The following DOCK2 variants were observed in gnomAD, a reference collection of about 807,000 sequenced individuals.
The protein encoded by DOCK2 is dedicator of cytokinesis 2.
In DOCK2, 87 loss-of-function variants were observed where a neutral mutation model predicts 248.9. That is an observed-to-expected ratio of 0.35 (90% CI 0.29 to 0.42). The LOEUF (loss-of-function observed/expected upper bound fraction) is 0.42, where lower values mean the gene tolerates loss of function less well. Among genes scored for constraint, DOCK2 ranks in the 10% least tolerant of loss-of-function variants. DOCK2 has a pLI of 1.00. For missense variants in DOCK2, 1,747 were observed against 2,300.2 expected, an observed-to-expected ratio of 0.76 and a Z score of 4.92; for synonymous variants, 805 against 821.6, an observed-to-expected ratio of 0.98 and a Z score of 0.35.
chr5:169,972,592 A>ATAGG (rs1219914370), intron 27 of DOCK2, among the ~76,000 whole-genome samples: 4 of 84,014 alleles, frequency 4.8e-5, no homozygotes, highest in Non-Finnish European at 1.1e-4. Flanking sequence ...TAGATGATAG[A>ATAGG]TAGATAGATA....
chr5:170,080,142 G>T, intron 49 of DOCK2, 21 bp from the exon 50 acceptor site: 2 of 1,613,786 alleles, frequency 1.2e-6, no homozygotes, highest in Non-Finnish European at 1.7e-6. Flanking sequence ...GTGTGTGTGT[G>T]TGTCTGGTGT....
intron 27 of DOCK2, among the ~76,000 whole-genome samples, chr5:169,878,611 T>C (rs1413846725): frequency 6.6e-6 from 1 of 152,202 alleles, no homozygotes; most frequent in Non-Finnish European, 1.5e-5. Context: ...CAAACTCAGA[T>C]TTTCCCCTCT....
intron 30 of DOCK2, among the ~76,000 whole-genome samples, chr5:169,997,543 C>A (rs1201177218): frequency 7.4e-6 from 1 of 135,544 alleles, no homozygotes; most frequent in Middle Eastern, 3.4e-3. Context: ...GTCCCTGCGG[C>A]CTTCCGCAGT....
intron 26 of DOCK2, among the ~76,000 whole-genome samples, chr5:169,811,612 A>G (rs1040644896): frequency 6.6e-6 from 1 of 152,166 alleles, no homozygotes; most frequent in Non-Finnish European, 1.5e-5. Flanking sequence ...CCTGAGGCCA[A>G]TGGCACAACT....
In DOCK2 at chr5:170,008,216, C is replaced by A. The variant is rs1055884378; in HGVS notation, c.3073-281C>A. Among the ~76,000 whole-genome samples the A allele has an allele frequency of 1.1e-3, 52 of 48,620 alleles. 1 individual carries two copies. In the African/African-American group the frequency reaches 0.013, roughly 12 times the overall value. The allele number at this position is 48,620 out of a possible 152,430, so 31.9% of individuals were successfully genotyped here. On this transcript the variant is annotated intron_variant, in intron 30 of 51. Coordinates refer to ENST00000520908, the MANE Select transcript of DOCK2 (RefSeq NM_004946.3). ...ACAAAAACAACAACAACAACAACAA[C>A]AACAACAACAAAAAAAAAAAAACCT...
chr5:170,040,612 C>T (rs1280391655), intron 36 of DOCK2: 4 of 185,514 alleles, frequency 2.2e-5, no homozygotes, highest in African/African-American at 8.4e-5. Context: ...GAGCAGGCAT[C>T]ATGTCCTGAC....
chr5:169,971,768 C>A (rs142159689), intron 27 of DOCK2, among the ~76,000 whole-genome samples: 87 of 152,374 alleles, frequency 5.7e-4, no homozygotes, highest in African/African-American at 2.0e-3. Context: ...CTATTACCTA[C>A]AAATTGAGGA....
intron 44 of DOCK2, among the ~76,000 whole-genome samples, chr5:170,064,832 G>A (rs1475875400): frequency 6.6e-6 from 1 of 152,112 alleles, no homozygotes; most frequent in African/African-American, 2.4e-5. Context: ...GCTGAGTTAA[G>A]CACCATTAGA....
chr5:169,763,256 C>T lies in DOCK2; in HGVS notation c.2554+1631C>T, dbSNP rs928646977. Among the ~76,000 whole-genome samples, 4 of 152,150 alleles carry T rather than the reference C, an allele frequency of 2.6e-5. No homozygotes were observed. The highest frequency in any genetic ancestry group is 9.7e-5 in the African/African-American group (4 of 41,412). On this transcript the variant is annotated intron_variant, in intron 25 of 51. Coordinates refer to ENST00000520908, the MANE Select transcript of DOCK2 (RefSeq NM_004946.3). This position sits in a 1 kb window ranked among gnomAD's most constrained non-coding sequence, Gnocchi z 4.1. Reference sequence around the variant, plus strand: ...TGATTTCCACCTCCAAATAAATTTCCCTCACCCCAAAAGCATTGAAATATG... The same window carrying T: ...TGATTTCCACCTCCAAATAAATTTCTCTCACCCCAAAAGCATTGAAATATG...
chr5:169,937,822 T>C (rs1044663419), intron 27 of DOCK2, among the ~76,000 whole-genome samples: 5 of 152,236 alleles, frequency 3.3e-5, no homozygotes, highest in African/African-American at 4.8e-5. Context: ...TGGATCATTC[T>C]ATTGGTCACT....
chr5:170,011,842 A>G (rs1240868741), intron 32 of DOCK2, among the ~76,000 whole-genome samples: 1 of 152,214 alleles, frequency 6.6e-6, no homozygotes, highest in Non-Finnish European at 1.5e-5. Flanking sequence ...AAAGGACAAT[A>G]TGGCTGGAGG....
intron 41 of DOCK2, among the ~76,000 whole-genome samples, chr5:170,052,239 G>A (rs1354330928): frequency 2.0e-5 from 3 of 152,156 alleles, no homozygotes; most frequent in Non-Finnish European, 2.9e-5. Context: ...CTGCGTACCT[G>A]CTCTACCATG....
At chr5:169,884,516 A>G (rs1772856752) in intron 27 of DOCK2, 1 of 152,214 alleles carries the variant, frequency 6.6e-6, no homozygotes, top group Non-Finnish European at 1.5e-5. Context: ...CATTTATGTC[A>G]ATCACAAATT....
intron 30 of DOCK2, among the ~76,000 whole-genome samples, chr5:170,008,225 C>CAAAAA (rs60090712): frequency 8.8e-6 from 1 of 113,880 alleles, no homozygotes; most frequent in African/African-American, 3.0e-5. Context: ...ACAACAACAA[C>CAAAAA]AAAAAAAAAA....
chr5:169,802,608 A>G (rs946878779), intron 25 of DOCK2, among the ~76,000 whole-genome samples: 4 of 152,234 alleles, frequency 2.6e-5, no homozygotes, highest in African/African-American at 9.6e-5. Context: ...TCAGAGTAAT[A>G]TATACATCAT....
chr5:169,737,024 G>A (rs1055694639), intron 22 of DOCK2, among the ~76,000 whole-genome samples: 1 of 152,174 alleles, frequency 6.6e-6, no homozygotes. Context: ...GAGACATGAA[G>A]CAGATAATCA....
intron 27 of DOCK2, among the ~76,000 whole-genome samples, chr5:169,925,294 G>A (rs1015385082): frequency 6.6e-6 from 1 of 152,154 alleles, no homozygotes; most frequent in Non-Finnish European, 1.5e-5. Context: ...AACCCTGCAG[G>A]TAAGACCCTA....
chr5:169,854,313 G>C (rs775768194), intron 27 of DOCK2, among the ~76,000 whole-genome samples: 1 of 151,766 alleles, frequency 6.6e-6, no homozygotes, highest in African/African-American at 2.4e-5. Context: ...AGCCTCCTTA[G>C]TAAGTGGGAT....
At chr5:169,840,563 G>A (rs1479956789) in intron 26 of DOCK2, among the ~76,000 whole-genome samples, 194 bp from the exon 27 acceptor site, 4 of 151,930 alleles carry the variant, frequency 2.6e-5, no homozygotes, top group Admixed American at 2.0e-4. Context: ...CAGTGTAGGT[G>A]GTAATGACGA....
Sources: gnomAD v4.1 joint callset for allele counts (sites outside exome capture counted in the v4.1 genomes callset) on GRCh38, gnomAD v4.1.1 for gene constraint, Gnocchi (gnomAD v3.1) non-coding constraint, MANE v1.5 for transcripts, NCBI Gene and HGNC (gene_info 2026-07-23, HGNC 2026-07-21) for gene names.